Variants in KIF26B observed in about 807,000 individuals in gnomAD.
KIF26B encodes the protein kinesin family member 26B.
A neutral mutation model predicts 151.2 loss-of-function variants in KIF26B; 63 were observed. The observed-to-expected ratio is 0.42, with a 90% CI of 0.34 to 0.51. The LOEUF is 0.51. Ranked by LOEUF, KIF26B falls within the 20% of genes least tolerant of loss-of-function variation. KIF26B has a pLI of 0.07. For missense variants in KIF26B, 2,813 were observed against 2,913.6 expected (o/e 0.97, Z 0.79); for synonymous variants, 1,357 against 1,262.1 (o/e 1.08, Z -1.59).
intron 4 of KIF26B, among the ~76,000 whole-genome samples, chr1:245,423,883 G>C (rs1484894326): frequency 6.6e-6 from 1 of 151,838 alleles, no homozygotes; most frequent in South Asian, 2.1e-4. Context: ...CTATTACCCA[G>C]GCTGGAGTGT....
intron 4 of KIF26B, among the ~76,000 whole-genome samples, chr1:245,534,808 A>T (rs1299388944): frequency 2.1e-5 from 3 of 145,656 alleles, no homozygotes; most frequent in African/African-American, 7.7e-5. Flanking sequence ...TTTGAGATGG[A>T]GTGTTGCTCT....
At chr1:245,288,120 A>G (rs772423827) in intron 2 of KIF26B, among the ~76,000 whole-genome samples, 24 of 152,026 alleles carry the variant, frequency 1.6e-4, no homozygotes, top group Non-Finnish European at 2.9e-4. Context: ...CGGAGCGAGC[A>G]TTATTCCTGG....
intron 2 of KIF26B, among the ~76,000 whole-genome samples, chr1:245,302,318 A>G (rs990551768): frequency 2.6e-5 from 4 of 152,258 alleles, no homozygotes; most frequent in Admixed American, 6.5e-5. Context: ...GCTGGCCTCA[A>G]TAATCTCGTC....
intron 14 of KIF26B, among the ~76,000 whole-genome samples, chr1:245,700,194 G>A (rs1401306827): frequency 1.3e-5 from 2 of 152,116 alleles, no homozygotes; most frequent in Non-Finnish European, 2.9e-5. Context: ...ACTAGCTGTG[G>A]GACCTCAGGT....
At chr1:245,402,239 G>C (rs186617359) in intron 3 of KIF26B, among the ~76,000 whole-genome samples, 15 of 152,316 alleles carry the variant, frequency 9.8e-5, no homozygotes, top group African/African-American at 3.6e-4. Flanking sequence ...GAGAATTACA[G>C]AGAAAAAAGG....
At chr1:245,611,125 C>T (rs1438661760) in intron 8 of KIF26B, among the ~76,000 whole-genome samples, 2 of 152,036 alleles carry the variant, frequency 1.3e-5, no homozygotes, top group Admixed American at 6.6e-5. Flanking sequence ...ATGAGTATGC[C>T]GGGAGCATGG....
intron 4 of KIF26B, among the ~76,000 whole-genome samples, chr1:245,497,569 A>T (rs559328560): frequency 1.3e-5 from 2 of 152,306 alleles, no homozygotes; most frequent in South Asian, 2.1e-4. Flanking sequence ...ATTTCAGTGG[A>T]TTTCAGACAA....
intron 10 of KIF26B, among the ~76,000 whole-genome samples, chr1:245,655,725 G>A (rs2044065748): frequency 6.6e-6 from 1 of 152,210 alleles, no homozygotes; most frequent in Non-Finnish European, 1.5e-5. Context: ...TTTTCATACG[G>A]CCTTTAAATG....
chr1:245,435,073 ATCCATCCATCCATCCATCCATCTC>A (rs1558164569), intron 4 of KIF26B, among the ~76,000 whole-genome samples: 6 of 150,128 alleles, frequency 4.0e-5, no homozygotes, highest in Admixed American at 3.3e-4. Context: ...CCATCCATCC[ATCCATCCATCCATCCATCCATCTC>A]TCCATCCATC....
At chr1:245,369,487 G>A (rs769161974) in intron 3 of KIF26B, among the ~76,000 whole-genome samples, 30 of 152,160 alleles carry the variant, frequency 2.0e-4, no homozygotes, top group Non-Finnish European at 4.4e-5. Flanking sequence ...ATTCTTGGAC[G>A]GTCGAAATTT....
At chr1:245,401,274 T>C (rs747113039) in intron 3 of KIF26B, among the ~76,000 whole-genome samples, 14 of 152,172 alleles carry the variant, frequency 9.2e-5, no homozygotes, top group Non-Finnish European at 1.6e-4. Context: ...CTCACAGGCA[T>C]CCAGGGAGAC....
intron 2 of KIF26B, among the ~76,000 whole-genome samples, chr1:245,261,578 G>A (rs12121172): frequency 3.3e-4 from 46 of 137,868 alleles, no homozygotes; most frequent in Admixed American, 2.4e-3. Flanking sequence ...TCTTTCTCTC[G>A]TTCTCTCTTT....
intron 4 of KIF26B, among the ~76,000 whole-genome samples, chr1:245,483,873 C>T (rs1478474672): frequency 6.6e-6 from 1 of 151,856 alleles, no homozygotes; most frequent in Admixed American, 6.6e-5. Flanking sequence ...GGCTTCTCCT[C>T]GTTCTTTTCT....
At chr1:245,248,261 G>A (rs111329749) in intron 2 of KIF26B, among the ~76,000 whole-genome samples, 5,071 of 152,248 alleles carry the variant, frequency 0.033, 106 homozygotes, top group Non-Finnish European at 0.042. Context: ...ACAGTGGAAG[G>A]ACTTTTTGCA....
At chr1:245,468,218 C>G (rs1049799114) in intron 4 of KIF26B, among the ~76,000 whole-genome samples, 3 of 152,184 alleles carry the variant, frequency 2.0e-5, no homozygotes, top group African/African-American at 7.2e-5. Context: ...CCATAAGAAC[C>G]CATTCTCCAG....
intron 4 of KIF26B, among the ~76,000 whole-genome samples, chr1:245,438,515 C>A (rs1379518057): frequency 6.6e-6 from 1 of 152,120 alleles, no homozygotes; most frequent in Non-Finnish European, 1.5e-5. Context: ...CACTCTTATA[C>A]CACCCAGACC....
intron 4 of KIF26B, among the ~76,000 whole-genome samples, chr1:245,513,179 A>T (rs1464641352): frequency 6.8e-6 from 1 of 147,722 alleles, no homozygotes; most frequent in East Asian, 2.0e-4. Context: ...GTGCCTCTCA[A>T]CTGCCCCTGG....
chr1:245,450,859 TAGATATTTTAAGATGAATTTTTA>T (rs1177796542), intron 4 of KIF26B, among the ~76,000 whole-genome samples: 1 of 152,202 alleles, frequency 6.6e-6, no homozygotes, highest in Non-Finnish European at 1.5e-5. Flanking sequence ...ATTTTTAAGA[TAGATATTTTAAGATGAATTTTTA>T]AGATATTTTA....
chr1:245,257,229 C>T (rs187845557), intron 2 of KIF26B, among the ~76,000 whole-genome samples: 13 of 152,206 alleles, frequency 8.5e-5, no homozygotes, highest in Non-Finnish European at 1.3e-4. Flanking sequence ...CTTTCAGGAC[C>T]AAAGCAATGT....
Sources: allele counts gnomAD v4.1 joint callset (sites outside exome capture counted in the v4.1 genomes callset), GRCh38; gene constraint gnomAD v4.1.1; transcripts MANE v1.5; gene names NCBI Gene and HGNC (gene_info 2026-07-23, HGNC 2026-07-21).